RAB3IP: variants seen among roughly 807,000 people sequenced by gnomAD.
The protein encoded by RAB3IP is rab-3A-interacting protein.
In RAB3IP, 36 loss-of-function variants were observed where a neutral mutation model predicts 59.1. The observed-to-expected ratio is 0.61, with a 90% CI of 0.47 to 0.80. The LOEUF is 0.80. RAB3IP is among the 30% of genes least tolerant of loss of function. The pLI is 0.00. For missense variants in RAB3IP, 511 were observed against 536.0 expected (o/e 0.95, Z 0.46); for synonymous variants, 207 against 191.2 (o/e 1.08, Z -0.68).
chr12:69,740,653 A>G lies in RAB3IP; in HGVS notation c.-26+1622A>G, dbSNP rs75180733. 9.5e-3 allele frequency among the ~76,000 whole-genome samples: 1,452 copies of G among 152,264 alleles called. 6 individuals carry two copies. The highest frequency in any genetic ancestry group is 0.014 in the Non-Finnish European group (948 of 68,010). On this transcript the variant is annotated intron_variant, in intron 1 of 10. Coordinates refer to ENST00000247833, the MANE Select transcript of RAB3IP (RefSeq NM_022456.5). ...TTTGTGGGATTTCTGAATAGATCCT[A>G]TTGTACTTTTTGAATTAGTGCAGTT...
chr12:69,764,577 T>C (rs1871896178), intron 3 of RAB3IP, among the ~76,000 whole-genome samples: 1 of 152,224 alleles, frequency 6.6e-6, no homozygotes, highest in Non-Finnish European at 1.5e-5. Context: ...TCAAGTAATA[T>C]GGTACCTCTG....
At chr12:69,791,450 C>T (rs894071643) in intron 4 of RAB3IP, among the ~76,000 whole-genome samples, 1 of 151,994 alleles carries the variant, frequency 6.6e-6, no homozygotes, top group Non-Finnish European at 1.5e-5. Flanking sequence ...GAGTTAATAT[C>T]CAAAGTATAT....
At chr12:69,739,702 A>G (rs1013528172) in intron 1 of RAB3IP, 2 of 783,310 alleles carry the variant, frequency 2.6e-6, no homozygotes, top group Non-Finnish European at 4.3e-6. Context: ...GGGGGAGTTG[A>G]GACGAACTGC....
chr12:69,755,400 G>T lies in RAB3IP; in HGVS notation c.-9G>T. On this transcript the variant is annotated 5_prime_UTR_variant, in exon 2 of 11. Coordinates refer to ENST00000247833, the MANE Select transcript of RAB3IP (RefSeq NM_022456.5). ...TTAACATAGGTTATCTTATGATGAG[G>T]CTTTTGCTATGGCTAATGATCCCTT... The T allele has an allele frequency of 1.9e-6, 3 of 1,613,684 alleles. No individual in the cohort carries two copies. The highest frequency in any genetic ancestry group is 1.7e-6 in the Non-Finnish European group (2 of 1,179,778).
chr12:69,812,911 T>G, intron 9 of RAB3IP, 34 bp downstream of exon 9: 2 of 1,602,426 alleles, frequency 1.2e-6, no homozygotes, highest in South Asian at 2.2e-5. Context: ...TAATAAAGCT[T>G]GCTTTGATAT....
chr12:69,778,399 CCTT>C (rs1162552478), intron 3 of RAB3IP, among the ~76,000 whole-genome samples: 1 of 111,228 alleles, frequency 9.0e-6, no homozygotes, highest in Non-Finnish European at 1.9e-5. Context: ...TCGTCTGAAG[CCTT>C]CTTCTCTCAG....
chr12:69,790,086 A>G (rs1876360728), intron 4 of RAB3IP, among the ~76,000 whole-genome samples: 1 of 152,200 alleles, frequency 6.6e-6, no homozygotes. Context: ...GCAATCAGTC[A>G]AGAAAAAGAA....
intron 1 of RAB3IP, among the ~76,000 whole-genome samples, chr12:69,751,249 G>A (rs1252816644): frequency 6.6e-6 from 1 of 152,082 alleles, no homozygotes; most frequent in Non-Finnish European, 1.5e-5. Flanking sequence ...CCCGTTTTTG[G>A]TTAGTGGGAG....
intron 3 of RAB3IP, among the ~76,000 whole-genome samples, chr12:69,762,369 T>C (rs2136148167): frequency 1.3e-5 from 2 of 152,206 alleles, no homozygotes; most frequent in South Asian, 4.1e-4. Flanking sequence ...TGTGTTGAGG[T>C]TTGGGAATAT....
At chr12:69,762,771 A>AG (rs1262312341) in intron 3 of RAB3IP, among the ~76,000 whole-genome samples, 18 of 150,574 alleles carry the variant, frequency 1.2e-4, no homozygotes, top group Non-Finnish European at 2.2e-4. Flanking sequence ...AAAAAAAAAA[A>AG]AAAAAAAAGA....
intron 10 of RAB3IP, among the ~76,000 whole-genome samples, chr12:69,814,886 T>G (rs1175416392): frequency 6.6e-6 from 1 of 152,228 alleles, no homozygotes; most frequent in African/African-American, 2.4e-5. Flanking sequence ...ACACAAAACC[T>G]TTCTGTTACT....
intron 10 of RAB3IP, among the ~76,000 whole-genome samples, chr12:69,815,052 G>C (rs1880977315): frequency 6.6e-6 from 1 of 152,188 alleles, no homozygotes; most frequent in African/African-American, 2.4e-5. Context: ...TGAGTATTGA[G>C]TATATTCACT....
At chr12:69,806,090 G>A (rs1355269903) in intron 8 of RAB3IP, among the ~76,000 whole-genome samples, 3 of 152,204 alleles carry the variant, frequency 2.0e-5, no homozygotes, top group East Asian at 1.9e-4. Context: ...TCCTCCTTGT[G>A]CCTCTGGTAG....
intron 1 of RAB3IP, among the ~76,000 whole-genome samples, chr12:69,741,379 G>C (rs1887326723): frequency 6.6e-6 from 1 of 152,200 alleles, no homozygotes; most frequent in Non-Finnish European, 1.5e-5. Flanking sequence ...GTATCCGACT[G>C]CCCAAAATGG....
At chr12:69,778,579 A>G (rs1431272094) in intron 3 of RAB3IP, among the ~76,000 whole-genome samples, 3 of 83,568 alleles carry the variant, frequency 3.6e-5, no homozygotes, top group East Asian at 3.5e-4. Flanking sequence ...ATGGTGATGT[A>G]CAGATGGGTT....
At chr12:69,790,774 G>A (rs187784048) in intron 4 of RAB3IP, among the ~76,000 whole-genome samples, 20 of 152,116 alleles carry the variant, frequency 1.3e-4, no homozygotes, top group South Asian at 2.1e-4. Context: ...TAGTAGAAAC[G>A]GGTTTCACCA....
chr12:69,742,282 T>A (rs1438440020), intron 1 of RAB3IP, among the ~76,000 whole-genome samples: 1 of 152,224 alleles, frequency 6.6e-6, no homozygotes, highest in Admixed American at 6.5e-5. Context: ...AAGATGCAGT[T>A]CATCAAAGGA....
chr12:69,748,444 A>T (rs1401536974), intron 1 of RAB3IP, among the ~76,000 whole-genome samples: 1 of 152,234 alleles, frequency 6.6e-6, no homozygotes, highest in Non-Finnish European at 1.5e-5. Context: ...CTATCTGACA[A>T]CATAGTTAAC....
In RAB3IP at chr12:69,816,945, A is replaced by G. The variant is rs1233196731; in HGVS notation, c.*1499A>G. 6.6e-6 allele frequency: 1 copy of G among 152,228 alleles called. No homozygotes were observed. The highest frequency in any genetic ancestry group is 1.5e-5 in the Non-Finnish European group (1 of 68,034). 9.4% of individuals were successfully genotyped at this position (152,228 alleles called of 1,614,324 possible). A position where few individuals can be genotyped will look rare whatever the true frequency, so the allele number is the denominator to read the frequency against. On this transcript the variant is annotated 3_prime_UTR_variant, in exon 11 of 11. Transcript: ENST00000247833. ...CATCAGTACCATGCCTAGCTCAAGA[A>G]TGTGAAATTGAACCTGAAAAAAACT...
Sources: gnomAD v4.1 joint callset for allele counts (sites outside exome capture counted in the v4.1 genomes callset) on GRCh38, gnomAD v4.1.1 for gene constraint, MANE v1.5 for transcripts, NCBI Gene and HGNC (gene_info 2026-07-23, HGNC 2026-07-21) for gene names.